The following ZNF831 variants were observed in gnomAD, a reference collection of about 807,000 sequenced individuals.
The protein encoded by ZNF831 is chromosome 20 open reading frame 174.
In ZNF831, 59 loss-of-function variants were observed where a neutral mutation model predicts 95.8. That is an observed-to-expected ratio of 0.62 (90% CI 0.50 to 0.77). ZNF831 has a LOEUF of 0.77. ZNF831 is among the 30% of genes least tolerant of loss of function. ZNF831 has a pLI of 0.00. For synonymous variants in ZNF831, 961 were observed against 925.5 expected, an observed-to-expected ratio of 1.04 and a Z score of -0.70; for missense variants, 2,205 against 2,164.0, an observed-to-expected ratio of 1.02 and a Z score of -0.38.
intron 4 of ZNF831, among the ~76,000 whole-genome samples, chr20:59,215,674 T>C (rs1985630976): frequency 6.6e-6 from 1 of 152,218 alleles, no homozygotes; most frequent in Non-Finnish European, 1.5e-5. Context: ...GAGGCCTAAA[T>C]TGAAATCATC....
intron 1 of ZNF831, among the ~76,000 whole-genome samples, chr20:59,170,150 C>T (rs1981609859): frequency 6.6e-6 from 1 of 152,050 alleles, no homozygotes. Context: ...TATTTTAAAA[C>T]ATTTTTGTGG....
chr20:59,201,775 C>T (rs1420010407), intron 3 of ZNF831, among the ~76,000 whole-genome samples: 1 of 152,166 alleles, frequency 6.6e-6, no homozygotes, highest in East Asian at 1.9e-4. Context: ...CGCCGCTTGA[C>T]TCTGAGACTT....
At chr20:59,252,025 G>A (rs1344993169) in intron 4 of ZNF831, among the ~76,000 whole-genome samples, 1 of 152,188 alleles carries the variant, frequency 6.6e-6, no homozygotes, top group African/African-American at 2.4e-5. Flanking sequence ...GTTTGAAGAG[G>A]AGGAGAGCTG....
rs2146551181 is a variant in ZNF831, at chr20:59,191,652, C to G, written c.633C>G (p.Gly211=). The G allele has an allele frequency of 1.3e-6, 2 of 1,562,182 alleles. No individual in the cohort carries two copies. The highest frequency in any genetic ancestry group is 1.7e-6 in the Non-Finnish European group (2 of 1,153,956). The change falls in exon 2 of 6, where the codon GGC becomes GGG. Residue 211 remains glycine, a synonymous_variant. Coordinates refer to ENST00000371030, the MANE Select transcript of ZNF831 (RefSeq NM_178457.3). ...RLSSESEGAG[G]GLLEEGDKAG... ...CCTCAGAGTCCGAGGGCGCCGGGGG[C>G]GGCCTCCTGGAGGAAGGGGACAAGG...
At chr20:59,171,714 T>C (rs1981749385) in intron 1 of ZNF831, among the ~76,000 whole-genome samples, 2 of 152,184 alleles carry the variant, frequency 1.3e-5, no homozygotes, top group Non-Finnish European at 2.9e-5. Flanking sequence ...TTAGTAAAGA[T>C]AAAATAAAAC....
At chr20:59,207,243 G>A (rs1481734714) in intron 4 of ZNF831, among the ~76,000 whole-genome samples, 187 bp downstream of exon 4, 1 of 152,192 alleles carries the variant, frequency 6.6e-6, no homozygotes, top group Non-Finnish European at 1.5e-5. Flanking sequence ...AGTGGGGAGG[G>A]CATGTGGTAG....
rs201079519 is a variant in ZNF831 at position 59,217,162 on chromosome 20, C to CTGTGTGTG, written c.4027+10132_4027+10139dup. On this transcript the variant is annotated intron_variant, in intron 4 of 5. Transcript: ENST00000371030. The surrounding 1 kb of genome is among the most constrained non-coding windows in gnomAD (Gnocchi z 4.4). ...GAGTACATCTGACAGATCTTCATCT[C>CTGTGTGTG]TGTGTGTGTGTGTGTGTGTGTGTGT... Among the ~76,000 whole-genome samples the CTGTGTGTG allele has an allele frequency of 0.027, 4,067 of 148,680 alleles. 73 individuals are homozygous for CTGTGTGTG. Among genetic ancestry groups the CTGTGTGTG allele is most frequent in the African/African-American group, 0.056 (2,245 of 40,240 alleles).
In ZNF831 at chr20:59,188,776, C is replaced by T. The variant is rs367868691; in HGVS notation, c.-36-2208C>T. Among the ~76,000 whole-genome samples the T allele has an allele frequency of 1.5e-4, 23 of 152,242 alleles. No individual in the cohort carries two copies. The South Asian group carries it at 4.1e-3, about 27-fold the overall frequency. On this transcript the variant is annotated intron_variant, in intron 1 of 5. Transcript: ENST00000371030. ...AATTTGCAAATATTTTCTCCCATTCCGTGGACTGTTTTTTCACTTTCTTGA... is the reference window on the plus strand; with the variant it reads ...AATTTGCAAATATTTTCTCCCATTCTGTGGACTGTTTTTTCACTTTCTTGA...
At position 59,256,819 on chromosome 20, in the gene ZNF831, A is replaced by G. The variant is rs570670487; in HGVS notation, c.*2076A>G. 2.4e-4 allele frequency: 36 copies of G among 152,396 alleles called. No homozygotes were observed. Among genetic ancestry groups the G allele is most frequent in the African/African-American group, 7.0e-4 (29 of 41,584 alleles). The allele number at this position is 152,396 out of a possible 1,614,324, so 9.4% of individuals were successfully genotyped here. A position where few individuals can be genotyped will look rare whatever the true frequency, so the allele number is the denominator to read the frequency against. On this transcript the variant is annotated 3_prime_UTR_variant, in exon 6 of 6. Coordinates refer to ENST00000371030, the MANE Select transcript of ZNF831 (RefSeq NM_178457.3). The stretch of plus-strand genomic sequence containing the variant: ...AAGAACCTGAGCCTGAAGAAGCTCC[A>G]TCTAATTTTTTCCCCAGAGTTCCAG...
At chr20:59,157,190 C>T (rs1980589042) in intron 2 of ZNF831, among the ~76,000 whole-genome samples, 1 of 152,174 alleles carries the variant, frequency 6.6e-6, no homozygotes, top group African/African-American at 2.4e-5. Flanking sequence ...GTTTTGTACC[C>T]ATTAACCATC....
intron 4 of ZNF831, among the ~76,000 whole-genome samples, chr20:59,239,867 C>T (rs1187423484): frequency 2.6e-5 from 4 of 152,138 alleles, no homozygotes; most frequent in Non-Finnish European, 5.9e-5. Context: ...TTTAAGCAGA[C>T]CTTGTGACTT....
rs769464998 is a variant in ZNF831 at position 59,257,327 on chromosome 20, A to G, written c.*2584A>G. On this transcript the variant is annotated 3_prime_UTR_variant, in exon 6 of 6. Transcript: ENST00000371030. ...TGAATTTGTGAAAAAGCTGTATGTC[A>G]ATGGATTTTTTAAAAATTAAAAATG... is the stretch of plus-strand genomic sequence containing the variant. 2 of 152,342 alleles carry G rather than the reference A, an allele frequency of 1.3e-5. No individual in the cohort carries two copies. Among genetic ancestry groups the G allele is most frequent in the Non-Finnish European group, 2.9e-5 (2 of 68,026 alleles). The allele number at this position is 152,342 out of a possible 1,614,324, so 9.4% of individuals were successfully genotyped here. A position where few individuals can be genotyped will look rare whatever the true frequency, so the allele number is the denominator to read the frequency against.
At chr20:59,183,295 AAGC>A (rs1262295678) in intron 1 of ZNF831, among the ~76,000 whole-genome samples, 3 of 152,180 alleles carry the variant, frequency 2.0e-5, no homozygotes, top group Non-Finnish European at 4.4e-5. Flanking sequence ...CCCTTTGGGC[AAGC>A]CTAGCTGGGT....
intron 4 of ZNF831, among the ~76,000 whole-genome samples, chr20:59,234,255 A>G (rs1986885141): frequency 6.6e-6 from 1 of 152,226 alleles, no homozygotes; most frequent in Non-Finnish European, 1.5e-5. Context: ...CTGCTTCATA[A>G]TAAGCAATAA....
Position 59,224,702 on chromosome 20 carries a change from A to G in ZNF831, c.4027+17646A>G, listed in dbSNP as rs1357235325. Among the ~76,000 whole-genome samples the G allele has an allele frequency of 4.6e-5, 7 of 152,350 alleles. No individual in the cohort carries two copies. The South Asian group carries it at 1.2e-3, about 27-fold the overall frequency. Reference sequence around the variant, plus strand: ...TACAGTTGAACAGAGAAGGTTTAATAGTCGTTCAATCTAATCGAGAAAGCA... The same window carrying G: ...TACAGTTGAACAGAGAAGGTTTAATGGTCGTTCAATCTAATCGAGAAAGCA... On this transcript the variant is annotated intron_variant, in intron 4 of 5. Transcript: ENST00000371030.
At chr20:59,139,878 T>C (rs1979622722) in intron 1 of ZNF831, among the ~76,000 whole-genome samples, 1 of 152,228 alleles carries the variant, frequency 6.6e-6, no homozygotes, top group Non-Finnish European at 1.5e-5. Flanking sequence ...TTGATGAGTC[T>C]GAATTGAACA....
At chr20:59,149,561 A>G (rs553919014) in intron 2 of ZNF831, among the ~76,000 whole-genome samples, 2 of 152,376 alleles carry the variant, frequency 1.3e-5, no homozygotes, top group South Asian at 4.1e-4. Context: ...ACTATAAAAT[A>G]AGATCTCCCT....
chr20:59,237,805 G>A lies in ZNF831; in HGVS notation c.4028-15173G>A, dbSNP rs577987383. 5.7e-4 allele frequency among the ~76,000 whole-genome samples: 87 copies of A among 152,280 alleles called. 1 individual carries two copies. The highest frequency in any genetic ancestry group is 1.1e-3 in the Non-Finnish European group (74 of 68,022). On this transcript the variant is annotated intron_variant, in intron 4 of 5. Coordinates refer to ENST00000371030, the MANE Select transcript of ZNF831 (RefSeq NM_178457.3). ...CATCCTTGGATGTACAGCTTGTAGT[G>A]CTGTAGTGCCTGGAGCTGGGAGGAG...
At chr20:59,143,569 A>C (rs1979746919) in intron 1 of ZNF831, among the ~76,000 whole-genome samples, 1 of 151,850 alleles carries the variant, frequency 6.6e-6, no homozygotes, top group Non-Finnish European at 1.5e-5. Flanking sequence ...GCTCTCACCC[A>C]CCTGGGACTT....
Sources: gnomAD v4.1 joint callset for allele counts (sites outside exome capture counted in the v4.1 genomes callset) on GRCh38, gnomAD v4.1.1 for gene constraint, Gnocchi (gnomAD v3.1) non-coding constraint, MANE v1.5 for transcripts, NCBI Gene and HGNC (gene_info 2026-07-23, HGNC 2026-07-21) for gene names.